The following DDX46 variants were observed in gnomAD, a reference collection of about 807,000 sequenced individuals.
DDX46 encodes the protein DEAD-box helicase 46.
In DDX46, 30 loss-of-function variants were observed where a neutral mutation model predicts 134.9. The ratio of observed to expected loss-of-function variants is 0.22; its 90% CI spans 0.17 to 0.30. The LOEUF (loss-of-function observed/expected upper bound fraction) is 0.30, where lower values mean the gene tolerates loss of function less well. Among genes scored for constraint, DDX46 ranks in the 10% least tolerant of loss-of-function variants. The pLI is 1.00. For synonymous variants in DDX46, 415 were observed against 404.1 expected (o/e 1.03, Z -0.32); for missense variants, 622 against 1,248.7 (o/e 0.50, Z 7.56).
chr5:134,764,578 C>T (rs534317201), intron 2 of DDX46, among the ~76,000 whole-genome samples: 8 of 152,114 alleles, frequency 5.3e-5, no homozygotes, highest in East Asian at 1.9e-4. Context: ...CCACCGTGTC[C>T]GACCATCAAA....
chr5:134,789,912 G>A (rs1367127153), intron 12 of DDX46, among the ~76,000 whole-genome samples: 1 of 152,148 alleles, frequency 6.6e-6, no homozygotes, highest in Non-Finnish European at 1.5e-5. Context: ...TAAAGTTTTT[G>A]TGTGATACTT....
At chr5:134,792,319 T>C (rs1490294150) in intron 13 of DDX46, among the ~76,000 whole-genome samples, 1 of 152,108 alleles carries the variant, frequency 6.6e-6, no homozygotes, top group African/African-American at 2.4e-5. Context: ...ACAAATGGGA[T>C]CCAGTGGGGA....
At chr5:134,813,581 A>G (rs1755206727) in intron 18 of DDX46, among the ~76,000 whole-genome samples, 1 of 152,196 alleles carries the variant, frequency 6.6e-6, no homozygotes, top group Admixed American at 6.5e-5. Flanking sequence ...ACTGTCTCTG[A>G]AATTACACAC....
chr5:134,784,535 C>A lies in DDX46; in HGVS notation c.1336C>A (p.Pro446Thr). The A allele has an allele frequency of 6.3e-7, 1 of 1,599,562 alleles. No individual in the cohort carries two copies. The change falls in exon 10 of 23, where the codon CCA (proline) becomes ACA (threonine). Residue 446 changes from proline (P) to threonine (T), a missense_variant. By Grantham distance (38) the Pro-to-Thr change is conservative (BLOSUM62 -1). Transcript: ENST00000452510. ...DQRSLEEGEG[P>T]IAVIMTPTRE... is the part of the protein sequence containing the mutation. Reference sequence around the variant, plus strand: ...GAGGTCATTAGAGGAAGGAGAGGGGCCAATAGGTACAATTCTTTTCATTAA... The same window carrying A: ...GAGGTCATTAGAGGAAGGAGAGGGGACAATAGGTACAATTCTTTTCATTAA...
chr5:134,782,164 G>C, intron 8 of DDX46, 78 bp downstream of exon 8: 1 of 1,340,432 alleles, frequency 7.5e-7, no homozygotes, highest in Non-Finnish European at 1.0e-6. Context: ...GAGAAATGTG[G>C]ATAGTGTCTC....
intron 21 of DDX46, among the ~76,000 whole-genome samples, chr5:134,823,497 T>C (rs1201094122): frequency 6.6e-6 from 1 of 152,196 alleles, no homozygotes; most frequent in Non-Finnish European, 1.5e-5. Flanking sequence ...ATGGTAAGTT[T>C]CATACATATT....
chr5:134,802,670 C>T (rs963050980), intron 15 of DDX46, among the ~76,000 whole-genome samples: 3 of 151,914 alleles, frequency 2.0e-5, no homozygotes, highest in Non-Finnish European at 2.9e-5. Flanking sequence ...TTTAAAAAGT[C>T]TTGATCATAA....
chr5:134,778,891 A>G (rs1754040298), intron 6 of DDX46, among the ~76,000 whole-genome samples: 1 of 149,634 alleles, frequency 6.7e-6, no homozygotes. Context: ...ATTTTATTTT[A>G]TATTAATTTA....
In DDX46 at chr5:134,788,600, G is replaced by T. The variant is rs1345157463; in HGVS notation, c.1543+9G>T. 6.2e-7 allele frequency: 1 copy of T among 1,611,164 alleles called. No individual in the cohort carries two copies. The highest frequency in any genetic ancestry group is 1.1e-5 in the South Asian group (1 of 90,410). On this transcript the variant is annotated intron_variant, in intron 12 of 22. Coordinates refer to ENST00000452510, the MANE Select transcript of DDX46 (RefSeq NM_001300860.2). ...GTTAGCCGCTAACAGTGGTAAGTCA[G>T]GGGTATTTTTTTGGTGTCTTTTATT...
Position 134,781,053 on chromosome 5 carries a change from G to A in DDX46, c.766-80G>A, listed in dbSNP as rs1186213024. 8 of 961,896 alleles carry A rather than the reference G, an allele frequency of 8.3e-6. No homozygotes were observed. The Admixed American group carries it at 2.4e-4, about 29-fold the overall frequency. 59.6% of individuals were successfully genotyped at this position (961,896 alleles called of 1,614,324 possible). The stretch of plus-strand genomic sequence containing the variant: ...GAAAAAAAACTAAAGATGAAATTGT[G>A]TCAGTTACTGTGTGCTTCAGCAGTC... On this transcript the variant is annotated intron_variant, in intron 6 of 22. Coordinates refer to ENST00000452510, the MANE Select transcript of DDX46 (RefSeq NM_001300860.2).
chr5:134,772,900 G>A (rs1470769887), intron 4 of DDX46, among the ~76,000 whole-genome samples: 3 of 152,016 alleles, frequency 2.0e-5, no homozygotes, highest in South Asian at 2.1e-4. Flanking sequence ...CTCCTGAGTC[G>A]AAGCAATTCT....
intron 4 of DDX46, among the ~76,000 whole-genome samples, chr5:134,772,704 C>G (rs1412236491): frequency 1.3e-5 from 2 of 152,092 alleles, no homozygotes; most frequent in Non-Finnish European, 2.9e-5. Context: ...TGGGGTTTCC[C>G]CCTGTTGGCC....
rs151249631 is a variant in DDX46, at chr5:134,768,646, A to T, written c.350+1586A>T. Among the ~76,000 whole-genome samples, 97 of 152,008 alleles carry T rather than the reference A, an allele frequency of 6.4e-4. 2 individuals are homozygous for T. In the East Asian group the frequency reaches 0.015, roughly 24 times the overall value. ...AAAGCACCAATTATAAAGGAGAAAA[A>T]AGGTTGACTAATTTGATTACATTAA... On this transcript the variant is annotated intron_variant, in intron 3 of 22. Coordinates refer to ENST00000452510, the MANE Select transcript of DDX46 (RefSeq NM_001300860.2).
intron 3 of DDX46, among the ~76,000 whole-genome samples, chr5:134,769,474 G>T (rs1478190595): frequency 4.0e-5 from 6 of 150,776 alleles, no homozygotes; most frequent in Admixed American, 3.3e-4. Flanking sequence ...GAGATTACAG[G>T]CACGTGCCAC....
intron 4 of DDX46, 100 bp downstream of exon 4, chr5:134,771,099 C>A: frequency 1.7e-6 from 1 of 586,136 alleles, no homozygotes; most frequent in Non-Finnish European, 3.0e-6. Flanking sequence ...CTCTTTCTTT[C>A]TTTCTTTTCT....
chr5:134,763,785 C>T, intron 1 of DDX46, 119 bp from the exon 2 acceptor site: 2 of 1,201,248 alleles, frequency 1.7e-6, no homozygotes, highest in South Asian at 1.7e-5. Context: ...TAGAAAAATT[C>T]ATAAAAAGTT....
intron 1 of DDX46, among the ~76,000 whole-genome samples, chr5:134,760,168 C>T (rs879316342): frequency 2.6e-5 from 4 of 152,140 alleles, no homozygotes; most frequent in Admixed American, 6.6e-5. Context: ...GACTTAGTCT[C>T]CATTGGTTTC....
chr5:134,813,080 G>A (rs1014580079), intron 18 of DDX46, among the ~76,000 whole-genome samples: 3 of 151,976 alleles, frequency 2.0e-5, no homozygotes, highest in African/African-American at 7.2e-5. Flanking sequence ...TAACTGGAAC[G>A]ACAGGCACGC....
In DDX46 at chr5:134,778,774, A is replaced by G. The variant is rs376677639; in HGVS notation, c.765+1049A>G. On this transcript the variant is annotated intron_variant, in intron 6 of 22. Coordinates refer to ENST00000452510, the MANE Select transcript of DDX46 (RefSeq NM_001300860.2). ...TTTTTAGTAGAGACCGGGTTTCACC[A>G]TGTTGGTCAGGCTGGTCTCGAACTC... is the stretch of plus-strand genomic sequence containing the variant. Among the ~76,000 whole-genome samples the G allele has an allele frequency of 3.9e-5, 6 of 152,144 alleles. No individual in the cohort carries two copies. In the East Asian group the frequency reaches 7.7e-4, roughly 20 times the overall value.
Sources: gnomAD v4.1 joint callset for allele counts (sites outside exome capture counted in the v4.1 genomes callset) on GRCh38, gnomAD v4.1.1 for gene constraint, MANE v1.5 for transcripts, NCBI Gene and HGNC (gene_info 2026-07-23, HGNC 2026-07-21) for gene names.